The following FAXDC2 variants were observed in gnomAD, a reference collection of about 807,000 sequenced individuals.
FAXDC2 encodes fatty acid hydroxylase domain-containing protein 2.
In FAXDC2, 41 loss-of-function variants were observed where a neutral mutation model predicts 40.9. That is an observed-to-expected ratio of 1.00 (90% CI 0.78 to 1.30). The LOEUF (loss-of-function observed/expected upper bound fraction) is 1.30, where lower values mean the gene tolerates loss of function less well. FAXDC2 is among the 50% of genes most tolerant of loss of function. The probability of loss-of-function intolerance (pLI) is 0.00; values close to 1 mark genes in which losing one functional copy is unlikely to be tolerated. For synonymous variants in FAXDC2, 157 were observed against 149.3 expected (o/e 1.05, Z -0.38); for missense variants, 390 against 408.8 (o/e 0.95, Z 0.40).
In FAXDC2 at chr5:154,842,579, A is replaced by G. The variant is rs368190721; in HGVS notation, c.1-4401T>C. On this transcript the variant is annotated intron_variant, in intron 1 of 8. Coordinates refer to ENST00000326080, the MANE Select transcript of FAXDC2 (RefSeq NM_032385.5). Reference sequence around the variant, plus strand: ...ACTCTGTCACCCAGGCTGGAGTGCAATGGTGCAATCTCGGCTCACTGCAAC... The same window carrying G: ...ACTCTGTCACCCAGGCTGGAGTGCAGTGGTGCAATCTCGGCTCACTGCAAC... Among the ~76,000 whole-genome samples, 51 of 115,362 alleles carry G rather than the reference A, an allele frequency of 4.4e-4. 1 individual carries two copies. In the East Asian group the frequency reaches 0.013, roughly 29 times the overall value. The allele number at this position is 115,362 out of a possible 152,430, so 75.7% of individuals were successfully genotyped here. A position where few individuals can be genotyped will look rare whatever the true frequency, so the allele number is the denominator to read the frequency against.
chr5:154,835,580 TTTTG>T (rs1329389922), intron 2 of FAXDC2, among the ~76,000 whole-genome samples: 1 of 152,086 alleles, frequency 6.6e-6, no homozygotes, highest in Non-Finnish European at 1.5e-5. Flanking sequence ...TTCTGACTTT[TTTTG>T]TTTTTTTGTT....
Position 154,821,241 on chromosome 5 carries a change from G to T in FAXDC2, c.845+19C>A, listed in dbSNP as rs1373931832. 2 of 1,605,474 alleles carry T rather than the reference G, an allele frequency of 1.2e-6. No individual in the cohort carries two copies. Among genetic ancestry groups the T allele is most frequent in the African/African-American group, 2.7e-5 (2 of 74,420 alleles). ...GATGGTTGTTGCCTAGGGACCCATTGTGGGGAGAAGGTCCTTACTTGAGAT... is the reference window on the plus strand; with the variant it reads ...GATGGTTGTTGCCTAGGGACCCATTTTGGGGAGAAGGTCCTTACTTGAGAT... On this transcript the variant is annotated intron_variant, in intron 8 of 8. Transcript: ENST00000326080.
chr5:154,843,336 G>A (rs1196041241), intron 1 of FAXDC2, among the ~76,000 whole-genome samples: 1 of 152,176 alleles, frequency 6.6e-6, no homozygotes, highest in Non-Finnish European at 1.5e-5. Flanking sequence ...AACGAGACAT[G>A]GCCTTTGATC....
chr5:154,839,879 G>A (rs1760438962), intron 1 of FAXDC2, among the ~76,000 whole-genome samples: 1 of 152,080 alleles, frequency 6.6e-6, no homozygotes, highest in South Asian at 2.1e-4. Context: ...TAAACTCACA[G>A]ACCCAACCAC....
chr5:154,849,933 C>T (rs1760690089), intron 1 of FAXDC2, among the ~76,000 whole-genome samples: 1 of 152,194 alleles, frequency 6.6e-6, no homozygotes, highest in Non-Finnish European at 1.5e-5. Context: ...GTTGGTAAAT[C>T]CAAGTATGTT....
intron 1 of FAXDC2, among the ~76,000 whole-genome samples, chr5:154,848,014 T>C (rs1447631841): frequency 4.0e-5 from 6 of 151,812 alleles, no homozygotes; most frequent in Admixed American, 2.0e-4. Context: ...TAATTTTTTG[T>C]ATTTTTAGTA....
At chr5:154,823,774 C>T (rs1158327237) in intron 5 of FAXDC2, 182 bp from the exon 6 acceptor site, 6 of 593,770 alleles carry the variant, frequency 1.0e-5, no homozygotes, top group Admixed American at 2.9e-5. Flanking sequence ...GCCCTGGCTG[C>T]TAGGCAGGTG....
In FAXDC2 at chr5:154,823,376, G is replaced by T. The variant is rs750264905; in HGVS notation, c.572+11C>A. 3.9e-5 allele frequency: 63 copies of T among 1,612,258 alleles called. No individual in the cohort carries two copies. In the Admixed American group the frequency reaches 4.0e-4, roughly 10 times the overall value. On this transcript the variant is annotated intron_variant, in intron 6 of 8. Coordinates refer to ENST00000326080, the MANE Select transcript of FAXDC2 (RefSeq NM_032385.5). ...GAGGAGCCAGCTGTGCCTCAGGCAG[G>T]GCCTGCTCACCGGTGTGAATAGTAG...
At chr5:154,844,090 G>A (rs944810184) in intron 1 of FAXDC2, among the ~76,000 whole-genome samples, 1 of 152,016 alleles carries the variant, frequency 6.6e-6, no homozygotes, top group African/African-American at 2.4e-5. Flanking sequence ...ATGGTGGCGG[G>A]TGCCTGTAAT....
Position 154,850,497 on chromosome 5 carries a change from G to C in FAXDC2, c.-15C>G, listed in dbSNP as rs1360125486. On this transcript the variant is annotated 5_prime_UTR_variant, in exon 1 of 9. Coordinates refer to ENST00000326080, the MANE Select transcript of FAXDC2 (RefSeq NM_032385.5). ...TTCCCACTTACCTCTGCAGTGGGCT[G>C]TGTCCAAGCTGCTGAGGTCCTTGCA... The C allele has an allele frequency of 6.6e-6, 1 of 152,304 alleles. No individual in the cohort carries two copies. The highest frequency in any genetic ancestry group is 2.4e-5 in the African/African-American group (1 of 41,454). 9.4% of individuals were successfully genotyped at this position (152,304 alleles called of 1,614,324 possible).
At chr5:154,825,989 G>A (rs371551877) in intron 5 of FAXDC2, among the ~76,000 whole-genome samples, 1 of 152,154 alleles carries the variant, frequency 6.6e-6, no homozygotes, top group African/African-American at 2.4e-5. Flanking sequence ...TAGTATCCAC[G>A]TGGAGATGTC....
chr5:154,822,230 C>T, intron 7 of FAXDC2: 1 of 451,868 alleles, frequency 2.2e-6, no homozygotes, highest in Non-Finnish European at 4.0e-6. Context: ...TGCACTCCAA[C>T]CTGGGTGACA....
chr5:154,837,990 A>G, intron 2 of FAXDC2, 141 bp downstream of exon 2: 1 of 640,432 alleles, frequency 1.6e-6, no homozygotes, highest in Non-Finnish European at 2.8e-6. Flanking sequence ...AACTCTGCTC[A>G]GTTACTGAAA....
intron 1 of FAXDC2, among the ~76,000 whole-genome samples, chr5:154,847,846 C>CT (rs1760636598): frequency 8.2e-6 from 1 of 121,318 alleles, no homozygotes; most frequent in Non-Finnish European, 2.0e-5. Context: ...GATGAATGTT[C>CT]CTTTTTTTTT....
intron 5 of FAXDC2, 67 bp from the exon 6 acceptor site, chr5:154,823,659 T>C (rs1057046547): frequency 1.5e-6 from 2 of 1,318,884 alleles, no homozygotes; most frequent in Non-Finnish European, 1.1e-6. Flanking sequence ...GTGACCTGCT[T>C]ACAGGAGGCC....
intron 5 of FAXDC2, among the ~76,000 whole-genome samples, chr5:154,826,678 T>G (rs1192868704): frequency 6.6e-6 from 1 of 152,074 alleles, no homozygotes; most frequent in Non-Finnish European, 1.5e-5. Flanking sequence ...ATATCATTGG[T>G]GAACTTACCA....
chr5:154,830,778 C>T, intron 5 of FAXDC2, 23 bp downstream of exon 5: 1 of 1,556,372 alleles, frequency 6.4e-7, no homozygotes, highest in Admixed American at 1.8e-5. Context: ...TGTGCTTTGA[C>T]CAGAAGTTGC....
chr5:154,824,472 C>A (rs1285533692), intron 5 of FAXDC2: 1 of 702,528 alleles, frequency 1.4e-6, no homozygotes, highest in African/African-American at 1.7e-5. Context: ...CTTCCTCCAG[C>A]CTTTCCAGGC....
At chr5:154,845,683 C>T (rs1352193448) in intron 1 of FAXDC2, among the ~76,000 whole-genome samples, 2 of 149,330 alleles carry the variant, frequency 1.3e-5, no homozygotes, top group African/African-American at 4.9e-5. Flanking sequence ...CAAAAAAAAA[C>T]AAACTGGAAG....
Sources: allele counts gnomAD v4.1 joint callset (sites outside exome capture counted in the v4.1 genomes callset), GRCh38; gene constraint gnomAD v4.1.1; transcripts MANE v1.5; gene names NCBI Gene and HGNC (gene_info 2026-07-23, HGNC 2026-07-21).